Variants in AHNAK observed in about 807,000 individuals in gnomAD.
AHNAK encodes the protein neuroblast differentiation-associated protein AHNAK.
AHNAK carries 23 observed loss-of-function variants against 37.8 expected under a neutral mutation model. The ratio of observed to expected loss-of-function variants is 0.61; its 90% CI spans 0.44 to 0.86. The LOEUF (loss-of-function observed/expected upper bound fraction) is 0.86. Ranked by LOEUF, AHNAK falls within the 40% of genes least tolerant of loss-of-function variation. The pLI is 0.00. For synonymous variants in AHNAK, 2,481 were observed against 2,636.3 expected, an observed-to-expected ratio of 0.94 and a Z score of 1.80; for missense variants, 7,411 against 7,319.4, an observed-to-expected ratio of 1.01 and a Z score of -0.46.
intron 5 of AHNAK, among the ~76,000 whole-genome samples, chr11:62,460,987 A>ATTTTTTTTT (rs58443970): frequency 6.7e-3 from 695 of 103,152 alleles, no homozygotes; most frequent in Non-Finnish European, 8.2e-3. Flanking sequence ...GGCCTGGCTA[A>ATTTTTTTTT]TTTTTTTTTT....
At chr11:62,479,293 G>A (rs1195036332) in intron 5 of AHNAK, among the ~76,000 whole-genome samples, 2 of 148,786 alleles carry the variant, frequency 1.3e-5, no homozygotes, top group Non-Finnish European at 3.0e-5. Context: ...TCGGCCTCCC[G>A]AGTAGCTGGG....
intron 5 of AHNAK, among the ~76,000 whole-genome samples, chr11:62,465,234 C>A (rs111911986): frequency 1.5e-3 from 231 of 152,228 alleles, no homozygotes; most frequent in African/African-American, 5.4e-3. Context: ...CTGTCCCCCC[C>A]TCGAAAGATA....
At chr11:62,534,851 T>A in intron 4 of AHNAK, 152 bp downstream of exon 4, 1 of 752,328 alleles carries the variant, frequency 1.3e-6, no homozygotes, top group Non-Finnish European at 2.1e-6. Context: ...AGAAACAGGG[T>A]GGCCAAGGGC....
chr11:62,433,939 C>T, intron 5 of AHNAK: 4 of 1,603,732 alleles, frequency 2.5e-6, no homozygotes, highest in Non-Finnish European at 3.4e-6. Context: ...CTATTTGCAT[C>T]TCTCCATAAA....
chr11:62,517,934 G>A lies in AHNAK; in HGVS notation c.16483C>T (p.Pro5495Ser), dbSNP rs1940082789. 1 of 1,614,054 alleles carries A rather than the reference G, an allele frequency of 6.2e-7. No homozygotes were observed. The highest frequency in any genetic ancestry group is 8.5e-7 in the Non-Finnish European group (1 of 1,180,048). The change falls in exon 5 of 5, where the codon CCT becomes TCT. Residue 5495 changes from proline to serine, a missense_variant. Physicochemically the swap from Pro to Ser is moderately conservative, Grantham distance 74. Transcript: ENST00000378024. ...TCACATCCAGAGGACTTAATTCCAG[G>A]CATCTGGAGGTTTCCTTCTAGGCCT... ...VQGLEGNLQM[P>S]GIKSSGCDVN...
intron 5 of AHNAK, among the ~76,000 whole-genome samples, chr11:62,475,862 C>T (rs1237913192): frequency 1.3e-5 from 2 of 152,018 alleles, no homozygotes; most frequent in Non-Finnish European, 2.9e-5. Flanking sequence ...GCCTCAGTCT[C>T]CCAAAGTGCT....
rs781753570 is a variant in AHNAK at position 62,532,944 on chromosome 11, A to G, written c.1473T>C (p.Pro491=). ...TTTTAGGTTTCTGAATAATCATTTC[A>G]GGAGTCTTCACTTTAGTACCTTTCA... ...GKMKGTKVKT[P]EMIIQKPKIS... The change falls in exon 5 of 5, where the codon CCT becomes CCC. Residue 491 remains proline (P), a synonymous_variant. Transcript: ENST00000378024. The G allele has an allele frequency of 6.2e-7, 1 of 1,614,118 alleles. No individual in the cohort carries two copies. Among genetic ancestry groups the G allele is most frequent in the Non-Finnish European group, 8.5e-7 (1 of 1,180,016 alleles).
At chr11:62,479,803 C>T (rs1300382506) in intron 5 of AHNAK, among the ~76,000 whole-genome samples, 1 of 152,220 alleles carries the variant, frequency 6.6e-6, no homozygotes, top group Admixed American at 6.5e-5. Flanking sequence ...TGATCCATTC[C>T]TGCATGCAAT....
At chr11:62,534,454 G>A (rs1474503149) in intron 4 of AHNAK, among the ~76,000 whole-genome samples, 1 of 152,200 alleles carries the variant, frequency 6.6e-6, no homozygotes, top group Admixed American at 6.5e-5. Context: ...GTTTAATCAG[G>A]AGGGGAATCT....
At chr11:62,453,495 A>T (rs911558221) in intron 5 of AHNAK, among the ~76,000 whole-genome samples, 2 of 152,160 alleles carry the variant, frequency 1.3e-5, no homozygotes, top group African/African-American at 4.8e-5. Flanking sequence ...TGAGGCTTAG[A>T]AACACCCCAG....
Position 62,527,316 on chromosome 11 carries a change from G to T in AHNAK, c.7101C>A (p.Gly2367=). The T allele has an allele frequency of 1.2e-6, 2 of 1,613,718 alleles. No homozygotes were observed. Among genetic ancestry groups the T allele is most frequent in the African/African-American group, 1.3e-5 (1 of 74,962 alleles). ...MPEVAVEGPN[G]KWKTPKFKMP... is the part of the protein sequence containing the mutation. ...TCTTGAACTTAGGAGTTTTCCACTT[G>T]CCATTTGGGCCTTCCACAGCTACTT... Residue 2367 remains glycine (G), a synonymous_variant, in exon 5 of 5, where the codon GGC becomes GGA. Transcript: ENST00000378024.
In AHNAK at chr11:62,529,385, C is replaced by T; in HGVS notation, c.5032G>A (p.Val1678Ile). The T allele has an allele frequency of 6.2e-7, 1 of 1,613,884 alleles. No homozygotes were observed. The highest frequency in any genetic ancestry group is 8.5e-7 in the Non-Finnish European group (1 of 1,179,988). Residue 1678 changes from valine (V) to isoleucine (I), a missense_variant, in exon 5 of 5, where the codon GTA (valine) becomes ATA (isoleucine). Coordinates refer to ENST00000378024, the MANE Select transcript of AHNAK (RefSeq NM_001620.3). ...KGDMDVSVPK[V>I]EGEMKVPDVD... is the part of the protein sequence containing the mutation. ...TCTGGCACTTTCATTTCACCTTCTA[C>T]CTTGGGCACAGACACATCCATATCC... is the stretch of plus-strand genomic sequence containing the variant.
intron 4 of AHNAK, among the ~76,000 whole-genome samples, chr11:62,495,787 G>A (rs192105827): frequency 1.3e-4 from 19 of 150,268 alleles, no homozygotes; most frequent in Admixed American, 1.0e-3. Flanking sequence ...AGTGGCTCAT[G>A]CCTGTAATCC....
At chr11:62,473,715 A>G (rs1019159323) in intron 5 of AHNAK, among the ~76,000 whole-genome samples, 1 of 150,954 alleles carries the variant, frequency 6.6e-6, no homozygotes, top group Non-Finnish European at 1.5e-5. Context: ...AAACAATGAT[A>G]GGAACCAGGC....
downstream of AHNAK, among the ~76,000 whole-genome samples, chr11:62,514,114 T>C (rs957140340): frequency 6.6e-6 from 1 of 152,140 alleles, no homozygotes; most frequent in Admixed American, 6.5e-5. Context: ...AATTGATATA[T>C]TATTGGACAG....
rs757751968 is a variant in AHNAK, at chr11:62,519,958, A to T, written c.14459T>A (p.Ile4820Asn). Residue 4820 changes from isoleucine to asparagine, a missense_variant, in exon 5 of 5, where the codon ATT becomes AAT. Transcript: ENST00000378024. The part of the protein sequence containing the change: ...DVSGPKVDVD[I>N]PDVNIEGPDA... ...TGGACCTTCGATATTCACATCTGGA[A>T]TATCAACGTCCACCTTGGGTCCCGA... 1.2e-6 allele frequency: 2 copies of T among 1,613,054 alleles called. No homozygotes were observed. The highest frequency in any genetic ancestry group is 2.2e-5 in the South Asian group (2 of 91,016).
intron 5 of AHNAK, chr11:62,491,635 G>T: frequency 1.7e-6 from 2 of 1,200,470 alleles, no homozygotes; most frequent in Non-Finnish European, 2.4e-6. Context: ...TTCCACGTGT[G>T]GCTTCCACAG....
chr11:62,530,921 C>T lies in AHNAK; in HGVS notation c.3496G>A (p.Ala1166Thr), dbSNP rs757586641. ...VVSGPKVDIEAPDVSLEGPEG... is the reference protein window; with the variant it reads ...VVSGPKVDIETPDVSLEGPEG... ...GGACCTTCGAGGCTCACATCTGGGG[C>T]TTCGATGTCCACCTTGGGTCCTGAG... The change falls in exon 5 of 5, where the codon GCC (alanine) becomes ACC (threonine). Residue 1166 changes from alanine to threonine, a missense_variant. By Grantham distance (58) the Ala-to-Thr change is moderately conservative. Transcript: ENST00000378024. 1 of 1,613,890 alleles carries T rather than the reference C, an allele frequency of 6.2e-7. No homozygotes were observed. The highest frequency in any genetic ancestry group is 8.5e-7 in the Non-Finnish European group (1 of 1,179,992).
intron 5 of AHNAK, among the ~76,000 whole-genome samples, chr11:62,461,347 T>A (rs1441852146): frequency 1.3e-4 from 20 of 151,196 alleles, no homozygotes; most frequent in Admixed American, 1.1e-3. Flanking sequence ...GGTTTCACCA[T>A]GTTGCCCAGG....
Sources: allele counts gnomAD v4.1 joint callset (sites outside exome capture counted in the v4.1 genomes callset), GRCh38; gene constraint gnomAD v4.1.1; transcripts MANE v1.5; gene names NCBI Gene and HGNC (gene_info 2026-07-23, HGNC 2026-07-21).